The following KIRREL1 variants were observed in gnomAD, a reference collection of about 807,000 sequenced individuals.
The protein encoded by KIRREL1 is kirre like nephrin family adhesion molecule 1.
A neutral mutation model predicts 83.3 loss-of-function variants in KIRREL1; 25 were observed. The ratio of observed to expected loss-of-function variants is 0.30; its 90% CI spans 0.22 to 0.42. The LOEUF is 0.42. Ranked by LOEUF, KIRREL1 falls within the 10% of genes least tolerant of loss-of-function variation. The pLI is 1.00. For synonymous variants in KIRREL1, 388 were observed against 410.4 expected, an observed-to-expected ratio of 0.95 and a Z score of 0.66; for missense variants, 812 against 1,032.3, an observed-to-expected ratio of 0.79 and a Z score of 2.92.
chr1:157,994,387 A>AG (rs897511465), intron 1 of KIRREL1, among the ~76,000 whole-genome samples: 8 of 16,064 alleles, frequency 5.0e-4, no homozygotes, highest in Non-Finnish European at 8.0e-4. Flanking sequence ...CTTGATACAG[A>AG]GGGGGGGAAC....
chr1:158,077,728 G>A (rs1661724182), intron 2 of KIRREL1, among the ~76,000 whole-genome samples: 1 of 152,174 alleles, frequency 6.6e-6, no homozygotes, highest in Non-Finnish European at 1.5e-5. Context: ...TATTATGAGA[G>A]GCATTTGTCT....
In KIRREL1 at chr1:158,097,172, T is replaced by C. The variant is rs1191385939; in HGVS notation, c.*2052T>C. The C allele has an allele frequency of 2.4e-5, 10 of 412,996 alleles. No individual in the cohort carries two copies. The highest frequency in any genetic ancestry group is 5.3e-5 in the South Asian group (3 of 56,120). 25.6% of individuals were successfully genotyped at this position (412,996 alleles called of 1,614,324 possible). ...AGCTGATACCTTTCTATAGAGTCCT[T>C]TTATGAGAGCTCAGTGGGAAGGTCT... On this transcript the variant is annotated 3_prime_UTR_variant, in exon 15 of 15. Coordinates refer to ENST00000359209, the MANE Select transcript of KIRREL1 (RefSeq NM_018240.7).
intron 1 of KIRREL1, among the ~76,000 whole-genome samples, chr1:158,035,079 A>T (rs906794726): frequency 2.0e-5 from 3 of 151,958 alleles, no homozygotes; most frequent in African/African-American, 7.3e-5. Flanking sequence ...CTCTTTGGGT[A>T]TGTATTTTAT....
chr1:157,996,979 C>A (rs902784244), intron 1 of KIRREL1, among the ~76,000 whole-genome samples: 1 of 152,306 alleles, frequency 6.6e-6, no homozygotes, highest in Admixed American at 6.5e-5. Flanking sequence ...CTGCCTTTGG[C>A]GCTCCAGTGA....
intron 5 of KIRREL1, 34 bp downstream of exon 5, chr1:158,086,780 G>T: frequency 6.7e-7 from 1 of 1,502,690 alleles, no homozygotes; most frequent in Non-Finnish European, 9.1e-7. Context: ...CTGGAGCAGG[G>T]GGGTGGAAGA....
chr1:158,016,361 A>G (rs940303824), intron 1 of KIRREL1, among the ~76,000 whole-genome samples: 5 of 152,142 alleles, frequency 3.3e-5, no homozygotes, highest in Non-Finnish European at 5.9e-5. Flanking sequence ...AACAAATAAT[A>G]CAAATTGTTT....
chr1:158,044,897 A>G (rs1660735313), intron 1 of KIRREL1, among the ~76,000 whole-genome samples: 2 of 152,224 alleles, frequency 1.3e-5, no homozygotes, highest in Admixed American at 6.5e-5. Context: ...AGTTAGTTGG[A>G]TATTGATAAA....
intron 1 of KIRREL1, among the ~76,000 whole-genome samples, chr1:158,066,009 C>G (rs1003253913): frequency 9.9e-5 from 15 of 151,888 alleles, no homozygotes; most frequent in Admixed American, 9.8e-4. Context: ...CCTCTCTCAT[C>G]ACCTTTTTTT....
At chr1:158,039,170 G>A (rs1660558305) in intron 1 of KIRREL1, among the ~76,000 whole-genome samples, 1 of 152,158 alleles carries the variant, frequency 6.6e-6, no homozygotes, top group Admixed American at 6.5e-5. Context: ...GGCCCAGCCT[G>A]CCTATGATTT....
chr1:158,024,397 A>C (rs1660105901), intron 1 of KIRREL1, among the ~76,000 whole-genome samples: 2 of 142,434 alleles, frequency 1.4e-5, no homozygotes, highest in South Asian at 4.5e-4. Flanking sequence ...TCCTGCCTCG[A>C]CCTCCCTAGT....
intron 1 of KIRREL1, among the ~76,000 whole-genome samples, chr1:158,003,467 C>T (rs549423354): frequency 6.6e-6 from 1 of 152,214 alleles, no homozygotes; most frequent in East Asian, 1.9e-4. Context: ...TTGTCTCAGT[C>T]CTCCCCACCA....
chr1:158,022,763 C>A (rs1660035646), intron 1 of KIRREL1, among the ~76,000 whole-genome samples: 1 of 152,062 alleles, frequency 6.6e-6, no homozygotes, highest in African/African-American at 2.4e-5. Context: ...TCCAAGTGTT[C>A]AGGCAAGTAC....
chr1:158,085,651 T>C (rs1661991389), intron 4 of KIRREL1, among the ~76,000 whole-genome samples: 1 of 152,224 alleles, frequency 6.6e-6, no homozygotes, highest in Non-Finnish European at 1.5e-5. Context: ...GTTATTGCAC[T>C]GGCCCTCAAC....
At chr1:158,060,933 T>G (rs527886182) in intron 1 of KIRREL1, among the ~76,000 whole-genome samples, 1 of 152,186 alleles carries the variant, frequency 6.6e-6, no homozygotes, top group East Asian at 1.9e-4. Context: ...GGAAGGAAGT[T>G]CCAGAACTAC....
intron 1 of KIRREL1, among the ~76,000 whole-genome samples, chr1:158,059,104 C>T (rs952866601): frequency 1.3e-5 from 2 of 152,182 alleles, no homozygotes; most frequent in Non-Finnish European, 1.5e-5. Context: ...CCCAATAGAG[C>T]ACTCCTGCAC....
chr1:158,086,383 A>G (rs1339460889), intron 4 of KIRREL1, among the ~76,000 whole-genome samples: 2 of 151,802 alleles, frequency 1.3e-5, no homozygotes, highest in Non-Finnish European at 2.9e-5. Context: ...CTAAAAATAT[A>G]TAACTTTTAA....
chr1:158,000,030 A>C (rs1659312471), intron 1 of KIRREL1, among the ~76,000 whole-genome samples: 2 of 148,740 alleles, frequency 1.3e-5, no homozygotes, highest in Admixed American at 1.4e-4. Flanking sequence ...CTAGTAAGTG[A>C]CAGAGCCAGA....
chr1:158,005,804 C>G (rs567921204), intron 1 of KIRREL1, among the ~76,000 whole-genome samples: 5 of 152,224 alleles, frequency 3.3e-5, no homozygotes, highest in African/African-American at 1.2e-4. Context: ...AATTGTTCAA[C>G]CCACATGATG....
chr1:158,087,822 C>T lies in KIRREL1; in HGVS notation c.729C>T (p.Thr243=), dbSNP rs1243709760. The part of the protein sequence containing the change: ...TVQEGERVVF[T]CQATANPEIL... ...AGGAGGGTGAGCGTGTTGTCTTTAC[C>T]TGCCAGGCCACAGCCAACCCCGAGA... Residue 243 remains threonine, a synonymous_variant, in exon 6 of 15, where the codon ACC becomes ACT. Transcript: ENST00000359209. 3 of 1,613,830 alleles carry T rather than the reference C, an allele frequency of 1.9e-6. No homozygotes were observed. In the South Asian group the frequency reaches 3.3e-5, roughly 18 times the overall value.
Sources: gnomAD v4.1 joint callset for allele counts (sites outside exome capture counted in the v4.1 genomes callset) on GRCh38, gnomAD v4.1.1 for gene constraint, MANE v1.5 for transcripts, NCBI Gene and HGNC (gene_info 2026-07-23, HGNC 2026-07-21) for gene names.